The following VPS37A variants were observed in gnomAD, a reference collection of about 807,000 sequenced individuals.
The protein encoded by VPS37A is VPS37A subunit of ESCRT-I.
VPS37A carries 30 observed loss-of-function variants against 49.8 expected under a neutral mutation model. The ratio of observed to expected loss-of-function variants is 0.60; its 90% CI spans 0.45 to 0.82. The LOEUF (loss-of-function observed/expected upper bound fraction) is 0.82. VPS37A is among the 40% of genes least tolerant of loss of function. VPS37A has a pLI of 0.00. For synonymous variants in VPS37A, 195 were observed against 160.6 expected (o/e 1.21, Z -1.62); for missense variants, 593 against 464.4 (o/e 1.28, Z -2.55).
chr8:17,267,459 A>G (rs1813574616), intron 2 of VPS37A, among the ~76,000 whole-genome samples: 1 of 54,520 alleles, frequency 1.8e-5, no homozygotes, highest in Non-Finnish European at 3.1e-5. Context: ...AAAGGTTAAA[A>G]TTTCTGCTTG....
chr8:17,286,586 T>C, intron 11 of VPS37A, 159 bp downstream of exon 11: 1 of 572,814 alleles, frequency 1.7e-6, no homozygotes, highest in Non-Finnish European at 3.0e-6. Context: ...ATAATAAGCA[T>C]AATATAAACA....
At chr8:17,252,094 G>A (rs1812035634) in intron 1 of VPS37A, among the ~76,000 whole-genome samples, 1 of 152,182 alleles carries the variant, frequency 6.6e-6, no homozygotes, top group Non-Finnish European at 1.5e-5. Context: ...CCCGTCGCAT[G>A]TTATATATTT....
chr8:17,252,789 A>C (rs1339304041), intron 1 of VPS37A, among the ~76,000 whole-genome samples: 1 of 152,242 alleles, frequency 6.6e-6, no homozygotes, highest in Admixed American at 6.5e-5. Context: ...TCTTTATGGA[A>C]GGAAATAACA....
chr8:17,258,093 G>T (rs193273168), intron 1 of VPS37A, among the ~76,000 whole-genome samples: 2 of 151,962 alleles, frequency 1.3e-5, no homozygotes, highest in African/African-American at 4.8e-5. Flanking sequence ...TGTCATCCGC[G>T]AACAAGGCTA....
intron 2 of VPS37A, among the ~76,000 whole-genome samples, chr8:17,267,848 A>G (rs1393084253): frequency 1.3e-5 from 2 of 152,176 alleles, no homozygotes; most frequent in Middle Eastern, 3.2e-3. Context: ...CTCAAAGTAG[A>G]AAAACCACAG....
the VPS37A span, among the ~76,000 whole-genome samples, chr8:17,321,335 G>T: frequency 7.9e-5 from 12 of 152,216 alleles, no homozygotes; most frequent in Admixed American, 2.6e-4. Context: ...TTAGCTCTCA[G>T]CAATGGGACA....
rs1014325810 is a variant in VPS37A at position 17,247,488 on chromosome 8, C to G, written c.125+119C>G. The G allele has an allele frequency of 2.9e-6, 4 of 1,392,358 alleles. No individual in the cohort carries two copies. In the African/African-American group the frequency reaches 4.3e-5, roughly 15 times the overall value. The allele number at this position is 1,392,358 out of a possible 1,614,324, so 86.3% of individuals were successfully genotyped here. A position where few individuals can be genotyped will look rare whatever the true frequency, so the allele number is the denominator to read the frequency against. ...CCAGCTCCTCATGTGGTTTACCTCC[C>G]TTGGTTGTGGGTCACACGCTTGCTC... On this transcript the variant is annotated intron_variant, in intron 1 of 11. Coordinates refer to ENST00000324849, the MANE Select transcript of VPS37A (RefSeq NM_152415.3).
chr8:17,284,506 A>G lies in VPS37A; in HGVS notation c.1003A>G (p.Lys335Glu), dbSNP rs267601836. The change falls in exon 10 of 12, where the codon AAA (lysine) becomes GAA (glutamate). Residue 335 changes from lysine to glutamate, a missense_variant. Physicochemically the swap from Lys to Glu is moderately conservative, Grantham distance 56. Transcript: ENST00000324849. ...TGCAAGTGCCCTTCAGGCAAGATTG[A>G]AAGTAGCTGCACATGAAGCTGAGGA... ...CSASALQARL[K>E]VAAHEAEEES... 2.5e-6 allele frequency: 4 copies of G among 1,596,692 alleles called. No individual in the cohort carries two copies. The highest frequency in any genetic ancestry group is 3.4e-6 in the Non-Finnish European group (4 of 1,175,112).
intron 11 of VPS37A, among the ~76,000 whole-genome samples, chr8:17,286,830 TA>T (rs2150415856): frequency 6.6e-6 from 1 of 152,294 alleles, no homozygotes; most frequent in African/African-American, 2.4e-5. Context: ...ACGATTACTC[TA>T]ATAATTCACC....
chr8:17,264,461 T>G (rs757836641), intron 1 of VPS37A, among the ~76,000 whole-genome samples: 58 of 152,204 alleles, frequency 3.8e-4, no homozygotes, highest in Non-Finnish European at 6.6e-4. Context: ...TAATATTGAG[T>G]GTCCACTTGA....
chr8:17,332,263 CT>C, the VPS37A span, among the ~76,000 whole-genome samples: 3 of 152,222 alleles, frequency 2.0e-5, no homozygotes, highest in Middle Eastern at 3.4e-3. Context: ...CACAATAGTA[CT>C]TTTTAAAAGC....
chr8:17,261,077 C>T (rs1311803829), intron 1 of VPS37A, among the ~76,000 whole-genome samples: 1 of 152,158 alleles, frequency 6.6e-6, no homozygotes, highest in African/African-American at 2.4e-5. Flanking sequence ...TCCTCTGGCT[C>T]AACTTCTTTT....
downstream of VPS37A, chr8:17,299,748 A>AAAT (rs1257107067): frequency 6.9e-7 from 1 of 1,445,752 alleles, no homozygotes; most frequent in Non-Finnish European, 9.4e-7. Flanking sequence ...AGCTGCATTA[A>AAAT]AGTAGTTCTC....
At chr8:17,260,737 T>C (rs1812890569) in intron 1 of VPS37A, among the ~76,000 whole-genome samples, 1 of 152,222 alleles carries the variant, frequency 6.6e-6, no homozygotes, top group Admixed American at 6.5e-5. Context: ...TATTTTTGGA[T>C]GGCAAGTTGT....
downstream of VPS37A, chr8:17,300,058 T>C (rs1817009602): frequency 6.2e-7 from 1 of 1,614,170 alleles, no homozygotes. Flanking sequence ...TTCATCGCCT[T>C]GTGAAGGGCT....
chr8:17,309,852 A>C, the VPS37A span, among the ~76,000 whole-genome samples: 1 of 152,218 alleles, frequency 6.6e-6, no homozygotes, highest in East Asian at 1.9e-4. Context: ...TCTACACATT[A>C]TAAGAATTCT....
chr8:17,302,704 C>CCT (rs66521951), downstream of VPS37A, among the ~76,000 whole-genome samples: 1 of 12,616 alleles, frequency 7.9e-5, no homozygotes, highest in African/African-American at 1.5e-4. Context: ...TTGGCAATAA[C>CCT]CCCCCCCCCC....
chr8:17,279,345 C>A (rs1303603650), intron 6 of VPS37A, among the ~76,000 whole-genome samples: 1 of 152,092 alleles, frequency 6.6e-6, no homozygotes, highest in African/African-American at 2.4e-5. Flanking sequence ...GTTACAGTAA[C>A]TACTCTGGCC....
chr8:17,271,813 T>C (rs1450691888), intron 4 of VPS37A, among the ~76,000 whole-genome samples: 1 of 152,116 alleles, frequency 6.6e-6, no homozygotes, highest in Non-Finnish European at 1.5e-5. Flanking sequence ...CTTCCAGAGG[T>C]GTTAACAAAG....
Sources: allele counts gnomAD v4.1 joint callset (sites outside exome capture counted in the v4.1 genomes callset), GRCh38; gene constraint gnomAD v4.1.1; transcripts MANE v1.5; gene names NCBI Gene and HGNC (gene_info 2026-07-23, HGNC 2026-07-21).